NDST4: variants seen among roughly 807,000 people sequenced by gnomAD.
NDST4 encodes the protein N-heparan sulfate sulfotransferase 4.
NDST4 carries 63 observed loss-of-function variants against 100.8 expected under a neutral mutation model. That is an observed-to-expected ratio of 0.62 (90% CI 0.51 to 0.77). NDST4 has a LOEUF of 0.77. Ranked by LOEUF, NDST4 falls within the 30% of genes least tolerant of loss-of-function variation. The probability of loss-of-function intolerance (pLI) is 0.00; values close to 1 mark genes in which losing one functional copy is unlikely to be tolerated. For missense variants in NDST4, 943 were observed against 1,018.4 expected, an observed-to-expected ratio of 0.93 and a Z score of 1.01; for synonymous variants, 377 against 361.8, an observed-to-expected ratio of 1.04 and a Z score of -0.48.
intron 2 of NDST4, among the ~76,000 whole-genome samples, chr4:115,017,094 GTTCAA>G (rs1433535785): frequency 1.3e-5 from 2 of 151,610 alleles, no homozygotes; most frequent in Non-Finnish European, 2.9e-5. Flanking sequence ...AAATTGTATT[GTTCAA>G]TTAGTTACTT....
intron 4 of NDST4, among the ~76,000 whole-genome samples, chr4:114,947,151 G>A (rs1009669948): frequency 2.6e-5 from 4 of 152,124 alleles, no homozygotes; most frequent in African/African-American, 9.7e-5. Flanking sequence ...TCTATGGCCA[G>A]GTATTAAAGT....
At position 114,971,601 on chromosome 4, in the gene NDST4, T is replaced by G. The variant is rs566079614; in HGVS notation, c.1067-1017A>C. ...ACTGTGTAAATAAGAGAATAAGTCC[T>G]GGCTTATAGTGTGGGTTGTATTATT... On this transcript the variant is annotated intron_variant, in intron 3 of 13. Coordinates refer to ENST00000264363, the MANE Select transcript of NDST4 (RefSeq NM_022569.3). Among the ~76,000 whole-genome samples, 3 of 152,170 alleles carry G rather than the reference T, an allele frequency of 2.0e-5. No individual in the cohort carries two copies. In the East Asian group the frequency reaches 5.8e-4, roughly 29 times the overall value.
chr4:115,086,184 G>C (rs1326676759), intron 1 of NDST4, among the ~76,000 whole-genome samples: 1 of 152,104 alleles, frequency 6.6e-6, no homozygotes, highest in East Asian at 1.9e-4. Flanking sequence ...AATAGTAGTT[G>C]AGACTATGAA....
At chr4:114,953,630 G>A (rs1324113474) in intron 4 of NDST4, among the ~76,000 whole-genome samples, 1 of 152,126 alleles carries the variant, frequency 6.6e-6, no homozygotes, top group East Asian at 1.9e-4. Flanking sequence ...GCGATGTGAT[G>A]CCTGGCATGC....
At chr4:114,942,328 G>T (rs76556597) in intron 4 of NDST4, among the ~76,000 whole-genome samples, 20,964 of 152,064 alleles carry the variant, frequency 0.14, 2,057 homozygotes, top group African/African-American at 0.28. Flanking sequence ...GACAATTGTG[G>T]AAATCAGATA....
At position 115,106,129 on chromosome 4, in the gene NDST4, A is replaced by G. The variant is rs145873605; in HGVS notation, c.-247+7315T>C. Reference sequence around the variant, plus strand: ...GATGGAACAGTGTGGGGGTAGGGCAAAAATATCTGGTTCACCATGGGGGAA... The same window carrying G: ...GATGGAACAGTGTGGGGGTAGGGCAGAAATATCTGGTTCACCATGGGGGAA... On this transcript the variant is annotated intron_variant, in intron 1 of 13. Transcript: ENST00000264363. 1.6e-3 allele frequency among the ~76,000 whole-genome samples: 250 copies of G among 152,204 alleles called. 1 individual carries two copies. Among genetic ancestry groups the G allele is most frequent in the Admixed American group, 3.1e-3 (48 of 15,254 alleles).
chr4:114,882,449 A>T (rs1724390330), intron 6 of NDST4, among the ~76,000 whole-genome samples: 1 of 152,120 alleles, frequency 6.6e-6, no homozygotes, highest in Non-Finnish European at 1.5e-5. Context: ...AATTCTGGCC[A>T]CACTGGACAC....
chr4:114,870,992 T>G (rs774527678), intron 6 of NDST4, 42 bp from the exon 7 acceptor site: 1 of 1,530,444 alleles, frequency 6.5e-7, no homozygotes, highest in African/African-American at 1.4e-5. Flanking sequence ...ATCATATGCT[T>G]AAGCTTAAAA....
At position 114,903,478 on chromosome 4, in the gene NDST4, G is replaced by A. The variant is rs367788065; in HGVS notation, c.1536+31728C>T. On this transcript the variant is annotated intron_variant, in intron 6 of 13. Coordinates refer to ENST00000264363, the MANE Select transcript of NDST4 (RefSeq NM_022569.3). ...TACTGAGCCTGTAGCAATTTGTCAA[G>A]TACAGTTCAGTTTTTCCTACCTGAG... 1.5e-4 allele frequency among the ~76,000 whole-genome samples: 23 copies of A among 152,066 alleles called. No homozygotes were observed. In the East Asian group the frequency reaches 4.5e-3, roughly 29 times the overall value.
chr4:114,906,901 T>C (rs1724961703), intron 6 of NDST4, among the ~76,000 whole-genome samples: 1 of 152,072 alleles, frequency 6.6e-6, no homozygotes. Context: ...TGCACATTTT[T>C]ATAACATTTG....
intron 6 of NDST4, among the ~76,000 whole-genome samples, chr4:114,929,197 G>A (rs1056721856): frequency 2.0e-5 from 3 of 150,204 alleles, no homozygotes; most frequent in African/African-American, 4.9e-5. Context: ...TTTCCCTGGA[G>A]AACCCCGTCT....
At chr4:114,949,159 C>T (rs1015093792) in intron 4 of NDST4, among the ~76,000 whole-genome samples, 9 of 151,876 alleles carry the variant, frequency 5.9e-5, no homozygotes, top group Admixed American at 5.9e-4. Context: ...TTCAAGAATC[C>T]AGTCACAAAA....
intron 2 of NDST4, among the ~76,000 whole-genome samples, chr4:115,005,754 G>A (rs1727399392): frequency 6.6e-6 from 1 of 152,060 alleles, no homozygotes; most frequent in Admixed American, 6.6e-5. Flanking sequence ...GGATAAGATG[G>A]TGGGGGCAAT....
chr4:115,028,566 CAAAA>C (rs557583232), intron 2 of NDST4, among the ~76,000 whole-genome samples: 2,162 of 130,508 alleles, frequency 0.017, 48 homozygotes, highest in African/African-American at 0.053. Flanking sequence ...AAGAGAATAC[CAAAA>C]AAAAAAAAAT....
At chr4:114,874,840 G>A (rs1249098777) in intron 6 of NDST4, among the ~76,000 whole-genome samples, 2 of 148,142 alleles carry the variant, frequency 1.4e-5, no homozygotes, top group African/African-American at 5.3e-5. Context: ...ATTTTTTACT[G>A]TTTATCTTTT....
At chr4:114,898,164 T>A (rs1724757137) in intron 6 of NDST4, among the ~76,000 whole-genome samples, 1 of 152,194 alleles carries the variant, frequency 6.6e-6, no homozygotes, top group Admixed American at 6.5e-5. Context: ...CCATGCTATC[T>A]TCTAGGAGTT....
At chr4:114,867,004 G>T (rs998642752) in intron 7 of NDST4, among the ~76,000 whole-genome samples, 1 of 152,076 alleles carries the variant, frequency 6.6e-6, no homozygotes, top group African/African-American at 2.4e-5. Context: ...CCATCTTGTG[G>T]TTGAAATCAC....
chr4:114,841,484 T>C (rs373637906), intron 10 of NDST4, among the ~76,000 whole-genome samples: 1 of 152,214 alleles, frequency 6.6e-6, no homozygotes, highest in Non-Finnish European at 1.5e-5. Context: ...CAAACCTGTA[T>C]GTATGTTCAA....
At chr4:114,948,598 T>A (rs1725921662) in intron 4 of NDST4, among the ~76,000 whole-genome samples, 1 of 152,122 alleles carries the variant, frequency 6.6e-6, no homozygotes, top group Non-Finnish European at 1.5e-5. Context: ...CCTGTTGAAG[T>A]GATATCATAT....
Sources: allele counts gnomAD v4.1 joint callset (sites outside exome capture counted in the v4.1 genomes callset), GRCh38; gene constraint gnomAD v4.1.1; transcripts MANE v1.5; gene names NCBI Gene and HGNC (gene_info 2026-07-23, HGNC 2026-07-21).